CACNA1E: variants seen among roughly 807,000 people sequenced by gnomAD.
The protein encoded by CACNA1E is voltage-dependent R-type calcium channel subunit alpha-1E.
A neutral mutation model predicts 259.2 loss-of-function variants in CACNA1E; 40 were observed. That is an observed-to-expected ratio of 0.15 (90% CI 0.12 to 0.20). CACNA1E has a LOEUF of 0.20. Among genes scored for constraint, CACNA1E ranks in the 10% least tolerant of loss-of-function variants. CACNA1E has a pLI of 1.00. For synonymous variants in CACNA1E, 1,104 were observed against 1,138.5 expected (o/e 0.97, Z 0.61); for missense variants, 1,874 against 3,040.1 (o/e 0.62, Z 9.02).
chr1:181,745,669 T>A (rs114773633), intron 25 of CACNA1E, among the ~76,000 whole-genome samples: 342 of 152,284 alleles, frequency 2.2e-3, no homozygotes, highest in African/African-American at 8.0e-3. Flanking sequence ...CTAATCCACA[T>A]GCACAGGGGC....
At chr1:181,516,513 A>G (rs984934454) in intron 3 of CACNA1E, among the ~76,000 whole-genome samples, 4 of 152,170 alleles carry the variant, frequency 2.6e-5, no homozygotes, top group African/African-American at 9.7e-5. Context: ...TGGTTGGTAT[A>G]AGGTAAAGTC....
Position 181,806,099 on chromosome 1 carries a change from G to A in CACNA1E, c.*7265G>A, listed in dbSNP as rs1662604175. ...TTTTCTTCCAGACCTGGGAGATGGA[G>A]AGAAAGAGGTTCTTGCTTTAAAGCG... is the stretch of plus-strand genomic sequence containing the variant. On this transcript the variant is annotated 3_prime_UTR_variant, in exon 48 of 48. Transcript: ENST00000367573. The A allele has an allele frequency of 6.6e-6, 1 of 152,236 alleles. No homozygotes were observed. The highest frequency in any genetic ancestry group is 1.5e-5 in the Non-Finnish European group (1 of 68,060). 9.4% of individuals were successfully genotyped at this position (152,236 alleles called of 1,614,324 possible). A position where few individuals can be genotyped will look rare whatever the true frequency, so the allele number is the denominator to read the frequency against.
chr1:181,583,215 G>GTA (rs1651725872), intron 6 of CACNA1E, among the ~76,000 whole-genome samples: 1 of 151,766 alleles, frequency 6.6e-6, no homozygotes, highest in Non-Finnish European at 1.5e-5. Context: ...ATAAATACAT[G>GTA]TATACATATA....
chr1:181,504,278 A>AC (rs565527448), intron 1 of CACNA1E, among the ~76,000 whole-genome samples: 2 of 151,554 alleles, frequency 1.3e-5, no homozygotes, highest in South Asian at 2.1e-4. Context: ...ACTCTTCTAT[A>AC]CCCCCCCAGG....
intron 6 of CACNA1E, among the ~76,000 whole-genome samples, chr1:181,630,085 C>T (rs759868112): frequency 3.3e-5 from 5 of 150,506 alleles, no homozygotes; most frequent in Admixed American, 6.7e-5. Flanking sequence ...GAAAACACAT[C>T]GGGCCATAAG....
intron 7 of CACNA1E, among the ~76,000 whole-genome samples, chr1:181,702,578 C>T (rs1410667893): frequency 6.6e-6 from 1 of 152,212 alleles, no homozygotes; most frequent in Non-Finnish European, 1.5e-5. Flanking sequence ...CACTTCCCCA[C>T]TGCCTGCTAC....
At chr1:181,654,226 A>AATAT (rs10627806) in intron 7 of CACNA1E, among the ~76,000 whole-genome samples, 2 of 149,850 alleles carry the variant, frequency 1.3e-5, no homozygotes, top group African/African-American at 4.9e-5. Flanking sequence ...TTTACAAAGT[A>AATAT]ATATATATAT....
At chr1:181,615,714 A>G (rs1453231139) in intron 6 of CACNA1E, among the ~76,000 whole-genome samples, 1 of 142,938 alleles carries the variant, frequency 7.0e-6, no homozygotes, top group African/African-American at 2.6e-5. Flanking sequence ...TTAATTTTTC[A>G]TTTTCAATTC....
chr1:181,473,633 CCA>C (rs963662170), intron 2 of CACNA1E, among the ~76,000 whole-genome samples: 2 of 152,188 alleles, frequency 1.3e-5, no homozygotes, highest in Non-Finnish European at 1.5e-5. Context: ...GGTGTTGTTT[CCA>C]CCCTGATAAC....
At chr1:181,649,036 TATC>T (rs753257967) in intron 6 of CACNA1E, among the ~76,000 whole-genome samples, 64 of 152,190 alleles carry the variant, frequency 4.2e-4, no homozygotes, top group Non-Finnish European at 7.6e-4. Context: ...GCTATACAAA[TATC>T]ATTGCAATTC....
intron 6 of CACNA1E, among the ~76,000 whole-genome samples, chr1:181,623,838 A>G (rs990134732): frequency 3.3e-5 from 5 of 152,314 alleles, no homozygotes; most frequent in African/African-American, 4.8e-5. Flanking sequence ...ATGGCTGTTG[A>G]CTGATCTGAG....
chr1:181,391,925 GTCTCTCTCTC>G (rs58946698), intron 1 of CACNA1E, among the ~76,000 whole-genome samples: 2,830 of 147,742 alleles, frequency 0.019, 40 homozygotes, highest in South Asian at 0.053. Flanking sequence ...CTCTCTCTCT[GTCTCTCTCTC>G]TCTCTCTCTC....
At chr1:181,501,893 A>C (rs1665276576) in intron 1 of CACNA1E, among the ~76,000 whole-genome samples, 1 of 152,134 alleles carries the variant, frequency 6.6e-6, no homozygotes, top group Non-Finnish European at 1.5e-5. Context: ...GTCACATGAT[A>C]CATTTTTGTT....
intron 1 of CACNA1E, among the ~76,000 whole-genome samples, chr1:181,380,809 A>T (rs1291331828): frequency 1.3e-5 from 2 of 152,208 alleles, no homozygotes; most frequent in East Asian, 3.8e-4. Flanking sequence ...AAAAAATTAA[A>T]CATATACCTA....
intron 6 of CACNA1E, among the ~76,000 whole-genome samples, chr1:181,585,159 G>A (rs1378596125): frequency 6.6e-6 from 1 of 152,194 alleles, no homozygotes; most frequent in Non-Finnish European, 1.5e-5. Flanking sequence ...TTGGTAAGTG[G>A]ATCTTGGAAG....
chr1:181,717,503 T>C (rs936223661), intron 11 of CACNA1E, among the ~76,000 whole-genome samples: 1 of 152,226 alleles, frequency 6.6e-6, no homozygotes, highest in Non-Finnish European at 1.5e-5. Flanking sequence ...AAACAGATCA[T>C]TGTTGATGAA....
Position 181,775,090 on chromosome 1 carries a change from G to A in CACNA1E, c.5140-1011G>A, listed in dbSNP as rs1253856197. 2.0e-5 allele frequency among the ~76,000 whole-genome samples: 3 copies of A among 152,166 alleles called. 1 individual carries two copies. In the South Asian group the frequency reaches 6.2e-4, roughly 32 times the overall value. ...CAAGATGGCTGTAGTGGCAGCTCTA[G>A]ACCGCACATTTTCACACATTTAAGA... On this transcript the variant is annotated intron_variant, in intron 37 of 47. Coordinates refer to ENST00000367573, the MANE Select transcript of CACNA1E (RefSeq NM_001205293.3).
chr1:181,326,003 T>G (rs1405234751), intron 1 of CACNA1E, among the ~76,000 whole-genome samples: 1 of 152,134 alleles, frequency 6.6e-6, no homozygotes, highest in Non-Finnish European at 1.5e-5. Context: ...CATCCTCGCC[T>G]CCTCCACCCG....
Position 181,461,019 on chromosome 1 carries a change from G to A in CACNA1E, c.435-22725G>A, listed in dbSNP as rs576441246. Among the ~76,000 whole-genome samples, 11 of 152,292 alleles carry A rather than the reference G, an allele frequency of 7.2e-5. No homozygotes were observed. The East Asian group carries it at 1.2e-3, about 16-fold the overall frequency. On this transcript the variant is annotated intron_variant, in intron 2 of 11. Transcript: ENST00000524607. ...TAAATCCTGTGGGAAGCTGAAGTAC[G>A]GTGGGGATTGAATTGAGGTGGGTGC... is the stretch of plus-strand genomic sequence containing the variant.
Sources: allele counts gnomAD v4.1 joint callset (sites outside exome capture counted in the v4.1 genomes callset), GRCh38; gene constraint gnomAD v4.1.1; transcripts MANE v1.5; gene names NCBI Gene and HGNC (gene_info 2026-07-23, HGNC 2026-07-21).